Variants in IGSF9B observed in about 807,000 individuals in gnomAD.
The protein encoded by IGSF9B is immunoglobulin superfamily member 9B.
A neutral mutation model predicts 143.7 loss-of-function variants in IGSF9B; 48 were observed. The observed-to-expected ratio is 0.33, with a 90% CI of 0.26 to 0.42. IGSF9B has a LOEUF of 0.42. Ranked by LOEUF, IGSF9B falls within the 20% of genes least tolerant of loss-of-function variation. The pLI, the probability that IGSF9B is intolerant of heterozygous loss-of-function variation, is 1.00. For synonymous variants in IGSF9B, 903 were observed against 833.1 expected, an observed-to-expected ratio of 1.08 and a Z score of -1.44; for missense variants, 1,706 against 1,980.0, an observed-to-expected ratio of 0.86 and a Z score of 2.63.
In IGSF9B at chr11:133,937,936, G is replaced by A. The variant is rs139718906; in HGVS notation, c.435C>T (p.Pro145=). 184 of 1,613,498 alleles carry A rather than the reference G, an allele frequency of 1.1e-4. No individual in the cohort carries two copies. In the East Asian group the frequency reaches 4.1e-3, roughly 36 times the overall value. Residue 145 remains proline, a synonymous_variant, in exon 4 of 20, where the codon CCC becomes CCT. Transcript: ENST00000533871. ...INAPPTFTET[P]PQYIEAKEGG... ...CCTCCTTGGCCTCGATGTACTGGGGGGGTGTTTCTGTAAAGGTGGGAGGGG... is the reference window on the plus strand; with the variant it reads ...CCTCCTTGGCCTCGATGTACTGGGGAGGTGTTTCTGTAAAGGTGGGAGGGG...
In IGSF9B at chr11:133,924,870, A is replaced by G. The variant is rs1248833591; in HGVS notation, c.2069T>C (p.Met690Thr). The G allele has an allele frequency of 1.9e-6, 3 of 1,613,684 alleles. No individual in the cohort carries two copies. Among genetic ancestry groups the G allele is most frequent in the East Asian group, 2.2e-5 (1 of 44,892 alleles). ...GCTGGGCTCGCTGATCAGATCCTGCATGACGGCCAGAACCCGGAACTCATA... is the reference window on the plus strand; with the variant it reads ...GCTGGGCTCGCTGATCAGATCCTGCGTGACGGCCAGAACCCGGAACTCATA... ...TWYEFRVLAVMQDLISEPSNI... is the reference protein window; with the variant it reads ...TWYEFRVLAVTQDLISEPSNI... Residue 690 changes from methionine (M) to threonine (T), a missense_variant, in exon 15 of 20, where the codon ATG (methionine) becomes ACG (threonine). Coordinates refer to ENST00000533871, the MANE Select transcript of IGSF9B (RefSeq NM_001277285.4).
chr11:133,913,165 C>G lies in IGSF9B; in HGVS notation c.3984-1158G>C, dbSNP rs529638675. Among the ~76,000 whole-genome samples the G allele has an allele frequency of 5.3e-5, 8 of 152,288 alleles. No individual in the cohort carries two copies. The highest frequency in any genetic ancestry group is 3.9e-4 in the East Asian group (2 of 5,172). On this transcript the variant is annotated intron_variant, in intron 18 of 19. Coordinates refer to ENST00000533871, the MANE Select transcript of IGSF9B (RefSeq NM_001277285.4). This position sits in a 1 kb window ranked among gnomAD's most constrained non-coding sequence, Gnocchi z 4.6. ...GAGAAGCAGGGACGCTCTGGGGCCA[C>G]GGCGGACAGGCGTGCCTCGCTCTTC...
In IGSF9B at chr11:133,920,247, C is replaced by G; in HGVS notation, c.3478G>C (p.Gly1160Arg). Residue 1160 changes from glycine (G) to arginine (R), a missense_variant, in exon 18 of 20, where the codon GGC (glycine) becomes CGC (arginine). Coordinates refer to ENST00000533871, the MANE Select transcript of IGSF9B (RefSeq NM_001277285.4). ...GTGTCCAGGCCAAATGTGCTGGGGC[C>G]GCCGTGCGCCCCCGGCTCAGCCGGC... Reference protein sequence around the residue: ...PEPAEPGAHGGPSTFGLDTRW... With the variant: ...PEPAEPGAHGRPSTFGLDTRW... 2.6e-6 allele frequency: 4 copies of G among 1,516,608 alleles called. No homozygotes were observed. The highest frequency in any genetic ancestry group is 3.5e-6 in the Non-Finnish European group (4 of 1,131,996). The allele number at this position is 1,516,608 out of a possible 1,614,324, so 93.9% of individuals were successfully genotyped here.
chr11:133,902,302 G>A lies in IGSF9B; in HGVS notation c.*6767C>T, dbSNP rs528789145. 1.1e-4 allele frequency among the ~76,000 whole-genome samples: 11 copies of A among 100,674 alleles called. No homozygotes were observed. Among genetic ancestry groups the A allele is most frequent in the African/African-American group, 2.8e-4 (7 of 25,182 alleles). The allele number at this position is 100,674 out of a possible 152,430, so 66.0% of individuals were successfully genotyped here. ...CACACCAGACACATCACACATACAC[G>A]CACACCACAGATACACACACACCAT... is the stretch of plus-strand genomic sequence containing the variant. On this transcript the variant is annotated 3_prime_UTR_variant, in exon 20 of 20. Coordinates refer to ENST00000533871, the MANE Select transcript of IGSF9B (RefSeq NM_001277285.4).
chr11:133,929,836 G>A (rs1939691699), intron 11 of IGSF9B, 54 bp from the exon 12 acceptor site: 10 of 1,211,428 alleles, frequency 8.3e-6, no homozygotes, highest in South Asian at 3.7e-5. Context: ...CACGTGGCTG[G>A]GTGCCCACCG....
chr11:133,931,546 T>A lies in IGSF9B; in HGVS notation c.1275A>T (p.Leu425=). Residue 425 remains leucine, a synonymous_variant, in exon 10 of 20, where the codon CTA becomes CTT. Transcript: ENST00000533871. This position sits in a 1 kb window ranked among gnomAD's most constrained non-coding sequence, Gnocchi z 7.7. Reference sequence around the variant, plus strand: ...CCTCCTGCCTGTACTCCCAGCCTGGTAGCACCGTGAAATAGGGGGGGTCCT... The same window carrying A: ...CCTCCTGCCTGTACTCCCAGCCTGGAAGCACCGTGAAATAGGGGGGGTCCT... ...VLKDPPYFTV[L]PGWEYRQEAG... is the part of the protein sequence containing the mutation. The A allele has an allele frequency of 1.2e-6, 2 of 1,613,182 alleles. No homozygotes were observed. The highest frequency in any genetic ancestry group is 1.7e-6 in the Non-Finnish European group (2 of 1,179,778).
chr11:133,930,288 A>G (rs888119054), intron 11 of IGSF9B, among the ~76,000 whole-genome samples: 1 of 152,172 alleles, frequency 6.6e-6, no homozygotes, highest in Non-Finnish European at 1.5e-5. Context: ...CGCCGGAGAA[A>G]GCATTCGGGC....
chr11:133,936,845 G>A (rs1309817056), intron 5 of IGSF9B, among the ~76,000 whole-genome samples: 2 of 152,194 alleles, frequency 1.3e-5, no homozygotes, highest in African/African-American at 2.4e-5. Context: ...CCCCCCGACC[G>A]GGACGCTGCC....
Position 133,919,733 on chromosome 11 carries a change from C to A in IGSF9B, c.3983+9G>T. On this transcript the variant is annotated intron_variant, in intron 18 of 19. Transcript: ENST00000533871. ...CAGGTGCGGGTGGCGGAAGAGGCGGCGCACTCACCCTGAAGTAGGTAACGT... is the reference window on the plus strand; with the variant it reads ...CAGGTGCGGGTGGCGGAAGAGGCGGAGCACTCACCCTGAAGTAGGTAACGT... 1.4e-6 allele frequency: 2 copies of A among 1,400,368 alleles called. No individual in the cohort carries two copies. The highest frequency in any genetic ancestry group is 1.9e-6 in the Non-Finnish European group (2 of 1,070,012). The allele number at this position is 1,400,368 out of a possible 1,614,324, so 86.7% of individuals were successfully genotyped here. A position where few individuals can be genotyped will look rare whatever the true frequency, so the allele number is the denominator to read the frequency against.
intron 1 of IGSF9B, chr11:133,952,085 C>T: frequency 2.2e-6 from 1 of 455,216 alleles, no homozygotes; most frequent in Non-Finnish European, 4.4e-6. Context: ...TGAGACTCCT[C>T]CCAGCTCTGG....
At chr11:133,951,833 T>G in intron 1 of IGSF9B, 1 of 206,292 alleles carries the variant, frequency 4.8e-6, no homozygotes, top group Non-Finnish European at 1.0e-5. Flanking sequence ...AGATGCCAGA[T>G]AGAGGCAGTA....
chr11:133,911,549 C>A (rs966913550), intron 19 of IGSF9B, among the ~76,000 whole-genome samples: 7 of 152,164 alleles, frequency 4.6e-5, no homozygotes, highest in Non-Finnish European at 1.0e-4. Context: ...TAATAGGATA[C>A]ATTTTCTGAA....
rs1436180496 is a variant in IGSF9B, at chr11:133,907,946, G to A, written c.*1123C>T. 6.6e-6 allele frequency among the ~76,000 whole-genome samples: 1 copy of A among 152,206 alleles called. No homozygotes were observed. The highest frequency in any genetic ancestry group is 1.5e-5 in the Non-Finnish European group (1 of 68,048). The stretch of plus-strand genomic sequence containing the variant: ...AGCCACAGGCGGCTCCGCACAAGTG[G>A]TAATTAATCAATCTGGAGAATTAGC... On this transcript the variant is annotated 3_prime_UTR_variant, in exon 20 of 20. Transcript: ENST00000533871.
rs1178349137 is a variant in IGSF9B, at chr11:133,899,926, A to C, written c.*9143T>G. The C allele has an allele frequency of 1.3e-5, 2 of 152,068 alleles. No homozygotes were observed. Among genetic ancestry groups the C allele is most frequent in the African/African-American group, 4.8e-5 (2 of 41,406 alleles). The allele number at this position is 152,068 out of a possible 1,614,324, so 9.4% of individuals were successfully genotyped here. On this transcript the variant is annotated 3_prime_UTR_variant, in exon 20 of 20. Transcript: ENST00000533871. Reference sequence around the variant, plus strand: ...TCAAGGCAAGGATGGTGCCACTGACAGTGGCACCAGCACTGGATCCTTCCA... The same window carrying C: ...TCAAGGCAAGGATGGTGCCACTGACCGTGGCACCAGCACTGGATCCTTCCA...
rs540927834 is a variant in IGSF9B at position 133,902,083 on chromosome 11, A to T, written c.*6986T>A. On this transcript the variant is annotated 3_prime_UTR_variant, in exon 20 of 20. Coordinates refer to ENST00000533871, the MANE Select transcript of IGSF9B (RefSeq NM_001277285.4). ...CATACCACACACAATAACACACCAC[A>T]TACAATACACAAAACACATAGCACA... Among the ~76,000 whole-genome samples, 15 of 147,860 alleles carry T rather than the reference A, an allele frequency of 1.0e-4. No homozygotes were observed. The highest frequency in any genetic ancestry group is 3.8e-4 in the African/African-American group (15 of 39,880).
intron 1 of IGSF9B, among the ~76,000 whole-genome samples, chr11:133,947,724 C>CTCTCTCTCTCTCTA (rs1479266644): frequency 6.6e-6 from 1 of 151,280 alleles, no homozygotes; most frequent in Non-Finnish European, 1.5e-5. Flanking sequence ...CTCTCTCTCT[C>CTCTCTCTCTCTCTA]TCTCTCTCTC....
At chr11:133,929,437 G>C (rs1262589916) in intron 12 of IGSF9B, among the ~76,000 whole-genome samples, 3 of 152,302 alleles carry the variant, frequency 2.0e-5, no homozygotes, top group East Asian at 1.9e-4. Flanking sequence ...GGCACAGAGA[G>C]GCCCAGACCC....
chr11:133,931,999 A>T lies in IGSF9B; in HGVS notation c.1110+72T>A, dbSNP rs555440322. On this transcript the variant is annotated intron_variant, in intron 8 of 19. Transcript: ENST00000533871. This position sits in a 1 kb window ranked among gnomAD's most constrained non-coding sequence, Gnocchi z 7.7. ...GGGCCAGGAGTCCTGGCAGAAATCC[A>T]GAGCCCAGAGGTGGCATCACAGTAC... 6.5e-7 allele frequency: 1 copy of T among 1,543,668 alleles called. No homozygotes were observed. Among genetic ancestry groups the T allele is most frequent in the South Asian group, 1.3e-5 (1 of 79,938 alleles).
At position 133,924,677 on chromosome 11, in the gene IGSF9B, AT is replaced by A. The variant is rs1409732494; in HGVS notation, c.2119+142del. On this transcript the variant is annotated intron_variant, in intron 15 of 19. Coordinates refer to ENST00000533871, the MANE Select transcript of IGSF9B (RefSeq NM_001277285.4). ...GGGTCTGGTGGGCTTAAGAAAGGCT[AT>A]GACTCACGCAGCTGCAACCAGGCAC... The A allele has an allele frequency of 7.5e-6, 5 of 670,146 alleles. No individual in the cohort carries two copies. The African/African-American group carries it at 8.9e-5, about 12-fold the overall frequency. The allele number at this position is 670,146 out of a possible 1,614,324, so 41.5% of individuals were successfully genotyped here. A position where few individuals can be genotyped will look rare whatever the true frequency, so the allele number is the denominator to read the frequency against.
Sources: gnomAD v4.1 joint callset for allele counts (sites outside exome capture counted in the v4.1 genomes callset) on GRCh38, gnomAD v4.1.1 for gene constraint, Gnocchi (gnomAD v3.1) non-coding constraint, MANE v1.5 for transcripts, NCBI Gene and HGNC (gene_info 2026-07-23, HGNC 2026-07-21) for gene names.